Variants in SPHK2 observed in about 807,000 individuals in gnomAD.
The protein encoded by SPHK2 is sphingosine kinase 2.
Under a neutral mutation model 32.3 loss-of-function variants are expected in SPHK2, and 18 were observed. That is an observed-to-expected ratio of 0.56 (90% CI 0.39 to 0.83). The LOEUF is 0.83. Among genes scored for constraint, SPHK2 ranks in the 40% least tolerant of loss-of-function variants. SPHK2 has a pLI of 0.00. For synonymous variants in SPHK2, 462 were observed against 417.6 expected (o/e 1.11, Z -1.30); for missense variants, 850 against 908.7 (o/e 0.94, Z 0.83).
rs2030462419 is a variant in SPHK2 at position 48,630,019 on chromosome 19, T to G, written c.*246T>G. 2 of 1,354,878 alleles carry G rather than the reference T, an allele frequency of 1.5e-6. No individual in the cohort carries two copies. Among genetic ancestry groups the G allele is most frequent in the Non-Finnish European group, 1.9e-6 (2 of 1,056,316 alleles). The allele number at this position is 1,354,878 out of a possible 1,614,324, so 83.9% of individuals were successfully genotyped here. A position where few individuals can be genotyped will look rare whatever the true frequency, so the allele number is the denominator to read the frequency against. ...TGAGGGCGGGGCCTGGCGTCTGATC[T>G]GGGGCCGCCCTTACGGGGCAGGGCT... is the stretch of plus-strand genomic sequence containing the variant. On this transcript the variant is annotated 3_prime_UTR_variant, in exon 7 of 7. Coordinates refer to ENST00000245222, the MANE Select transcript of SPHK2 (RefSeq NM_020126.5). The surrounding 1 kb of genome is among the most constrained non-coding windows in gnomAD (Gnocchi z 4.9).
intron 2 of SPHK2, chr19:48,625,306 CTGTT>C: frequency 1.8e-6 from 2 of 1,114,832 alleles, no homozygotes; most frequent in Non-Finnish European, 2.2e-6. Context: ...CTCATTGACC[CTGTT>C]TGTCTCCTCT....
Position 48,630,207 on chromosome 19 carries a change from C to A in SPHK2, c.*434C>A. 8.0e-7 allele frequency: 1 copy of A among 1,256,862 alleles called. No individual in the cohort carries two copies. Among genetic ancestry groups the A allele is most frequent in the South Asian group, 3.1e-5 (1 of 32,632 alleles). 77.9% of individuals were successfully genotyped at this position (1,256,862 alleles called of 1,614,324 possible). ...AGCCTCGCCCCATCCACTCCGGTGC[C>A]TCCATTTAGCTGGCCAATCAGCCCA... On this transcript the variant is annotated 3_prime_UTR_variant, in exon 7 of 7. Transcript: ENST00000245222. This position sits in a 1 kb window ranked among gnomAD's most constrained non-coding sequence, Gnocchi z 4.9.
At chr19:48,622,231 C>A (rs2147671035) in intron 2 of SPHK2, among the ~76,000 whole-genome samples, 1 of 148,762 alleles carries the variant, frequency 6.7e-6, no homozygotes, top group South Asian at 2.1e-4. Context: ...TGCACTCCAG[C>A]CTGGGCGACA....
Position 48,629,519 on chromosome 19 carries a change from G to A in SPHK2, c.1711G>A (p.Val571Met). 1 of 1,606,164 alleles carries A rather than the reference G, an allele frequency of 6.2e-7. No individual in the cohort carries two copies. Among genetic ancestry groups the A allele is most frequent in the Non-Finnish European group, 8.5e-7 (1 of 1,177,774 alleles). Residue 571 changes from valine (V) to methionine (M), a missense_variant, in exon 7 of 7, where the codon GTG becomes ATG. Transcript: ENST00000245222. The part of the protein sequence containing the change: ...FDDGLVHLCW[V>M]RSGISRAALL... Reference sequence around the variant, plus strand: ...CGACGGCCTGGTGCACCTGTGCTGGGTGCGTAGCGGCATCTCGCGGGCTGC... The same window carrying A: ...CGACGGCCTGGTGCACCTGTGCTGGATGCGTAGCGGCATCTCGCGGGCTGC...
rs1470936612 is a variant in SPHK2 at position 48,629,731 on chromosome 19, A to G, written c.1923A>G (p.Thr641=). ...LQAQMHPGIG[T]LLTGPPGCPG... ...CACAGATGCACCCTGGCATCGGTACACTGCTCACTGGGCCTCCTGGCTGCC... is the reference window on the plus strand; with the variant it reads ...CACAGATGCACCCTGGCATCGGTACGCTGCTCACTGGGCCTCCTGGCTGCC... Residue 641 remains threonine (T), a synonymous_variant, in exon 7 of 7, where the codon ACA becomes ACG. Transcript: ENST00000245222. 9 of 1,599,560 alleles carry G rather than the reference A, an allele frequency of 5.6e-6. No individual in the cohort carries two copies. In the Admixed American group the frequency reaches 1.2e-4, roughly 21 times the overall value.
In SPHK2 at chr19:48,628,670, C is replaced by T. The variant is rs200011232; in HGVS notation, c.873-11C>T. The T allele has an allele frequency of 3.3e-5, 53 of 1,607,448 alleles. 1 individual carries two copies. The African/African-American group carries it at 3.7e-4, about 11-fold the overall frequency. ...TTCCTTCTGTGTGTCCGTCCATCTC[C>T]GGCTGTGAAGATTTGAGCCAGCCCT... On this transcript the variant is annotated splice_polypyrimidine_tract_variant and intron_variant, in intron 6 of 6. Transcript: ENST00000245222. This position sits in a 1 kb window ranked among gnomAD's most constrained non-coding sequence, Gnocchi z 5.2.
Position 48,630,354 on chromosome 19 carries a change from A to C in SPHK2, c.*581A>C. 7.6e-7 allele frequency: 1 copy of C among 1,310,932 alleles called. No homozygotes were observed. The allele number at this position is 1,310,932 out of a possible 1,614,324, so 81.2% of individuals were successfully genotyped here. A position where few individuals can be genotyped will look rare whatever the true frequency, so the allele number is the denominator to read the frequency against. On this transcript the variant is annotated 3_prime_UTR_variant, in exon 7 of 7. Coordinates refer to ENST00000245222, the MANE Select transcript of SPHK2 (RefSeq NM_020126.5). The surrounding 1 kb of genome is among the most constrained non-coding windows in gnomAD (Gnocchi z 4.9). ...ATGCGCGTCCTCCGTCCCCAATCTA[A>C]AAAGCAATTGAAAAGGTCTATGCAA...
chr19:48,625,129 GT>G lies in SPHK2; in HGVS notation c.40-761del. The G allele has an allele frequency of 1.0e-5, 10 of 996,362 alleles. No individual in the cohort carries two copies. In the South Asian group the frequency reaches 1.7e-4, roughly 17 times the overall value. 61.7% of individuals were successfully genotyped at this position (996,362 alleles called of 1,614,324 possible). A position where few individuals can be genotyped will look rare whatever the true frequency, so the allele number is the denominator to read the frequency against. On this transcript the variant is annotated intron_variant, in intron 2 of 6. Transcript: ENST00000245222. The stretch of plus-strand genomic sequence containing the variant: ...CCCTGCCCCTTGCAGGCGCTCGCAT[GT>G]GGCTCCTCTCGGACCCCGTAGTCCC...
In SPHK2 at chr19:48,628,931, C is replaced by T. The variant is rs767158936; in HGVS notation, c.1123C>T (p.Arg375Cys). 32 of 1,613,242 alleles carry T rather than the reference C, an allele frequency of 2.0e-5. No individual in the cohort carries two copies. The highest frequency in any genetic ancestry group is 1.6e-4 in the Middle Eastern group (1 of 6,084). The change falls in exon 7 of 7, where the codon CGC (arginine) becomes TGC (cysteine). Residue 375 changes from arginine to cysteine, a missense_variant. Physicochemically the swap from Arg to Cys is radical, Grantham distance 180. Transcript: ENST00000245222. The surrounding 1 kb of genome is among the most constrained non-coding windows in gnomAD (Gnocchi z 5.2). ...GLATLHTYRGRLSYLPATVEP... is the reference protein window; with the variant it reads ...GLATLHTYRGCLSYLPATVEP... ...CGCCACACTGCACACCTACCGCGGACGCCTCTCCTACCTCCCCGCCACTGT... is the reference window on the plus strand; with the variant it reads ...CGCCACACTGCACACCTACCGCGGATGCCTCTCCTACCTCCCCGCCACTGT...
intron 3 of SPHK2, 163 bp downstream of exon 3, chr19:48,626,525 G>A: frequency 2.1e-6 from 2 of 941,278 alleles, no homozygotes; most frequent in Non-Finnish European, 3.0e-6. Flanking sequence ...GGAACAAAAA[G>A]ACAAGAGGAC....
rs1332547161 is a variant in SPHK2 at position 48,626,119 on chromosome 19, G to A, written c.268G>A (p.Gly90Ser). 5 of 1,608,900 alleles carry A rather than the reference G, an allele frequency of 3.1e-6. No individual in the cohort carries two copies. The highest frequency in any genetic ancestry group is 4.2e-6 in the Non-Finnish European group (5 of 1,177,556). The change falls in exon 3 of 7, where the codon GGC (glycine) becomes AGC (serine). Residue 90 changes from glycine to serine, a missense_variant. Coordinates refer to ENST00000245222, the MANE Select transcript of SPHK2 (RefSeq NM_020126.5). ...CAAACCTGAAGCCAGGCCCCGGGGT[G>A]GCCTGGTCCCGTTGGCCGAGGTCTC... ...RPKPEARPRG[G>S]LVPLAEVSGC...
At chr19:48,620,618 TAAAAA>T in intron 2 of SPHK2, 65 bp downstream of exon 2, 5 of 1,026,104 alleles carry the variant, frequency 4.9e-6, no homozygotes, top group South Asian at 1.6e-5. Context: ...AGCTTTTCTT[TAAAAA>T]AAAAAAAAAA....
chr19:48,619,636 G>A (rs965272575), intron 1 of SPHK2, 93 bp downstream of exon 1: 3 of 180,088 alleles, frequency 1.7e-5, no homozygotes, highest in Non-Finnish European at 3.6e-5. Context: ...ACCGCTCCCT[G>A]ATCTCGCGCT....
chr19:48,629,200 G>T lies in SPHK2; in HGVS notation c.1392G>T (p.Pro464=), dbSNP rs760940683. The T allele has an allele frequency of 9.3e-6, 15 of 1,613,344 alleles. No homozygotes were observed. Among genetic ancestry groups the T allele is most frequent in the Admixed American group, 1.7e-5 (1 of 60,004 alleles). ...AGDWGGAGDA[P]LSPDPLLSSP... ...ACTGGGGTGGGGCTGGGGATGCTCC[G>T]CTGTCCCCGGACCCACTGCTGTCTT... Residue 464 remains proline, a synonymous_variant, in exon 7 of 7, where the codon CCG becomes CCT. Transcript: ENST00000245222.
chr19:48,624,379 A>T (rs1323112117), intron 2 of SPHK2: 1 of 152,268 alleles, frequency 6.6e-6, no homozygotes, highest in Non-Finnish European at 1.5e-5. Flanking sequence ...CCTAGGTCTG[A>T]TGGGGGCTGT....
At position 48,630,361 on chromosome 19, in the gene SPHK2, A is replaced by C; in HGVS notation, c.*588A>C. Reference sequence around the variant, plus strand: ...TCCTCCGTCCCCAATCTAAAAAGCAATTGAAAAGGTCTATGCAATAAAGGC... The same window carrying C: ...TCCTCCGTCCCCAATCTAAAAAGCACTTGAAAAGGTCTATGCAATAAAGGC... On this transcript the variant is annotated 3_prime_UTR_variant, in exon 7 of 7. Coordinates refer to ENST00000245222, the MANE Select transcript of SPHK2 (RefSeq NM_020126.5). This position sits in a 1 kb window ranked among gnomAD's most constrained non-coding sequence, Gnocchi z 4.9. 1 of 1,312,810 alleles carries C rather than the reference A, an allele frequency of 7.6e-7. No homozygotes were observed. The highest frequency in any genetic ancestry group is 9.7e-7 in the Non-Finnish European group (1 of 1,031,184). The allele number at this position is 1,312,810 out of a possible 1,614,324, so 81.3% of individuals were successfully genotyped here.
rs1260382422 is a variant in SPHK2 at position 48,627,977 on chromosome 19, C to T, written c.664C>T (p.Arg222Ter). The change falls in exon 5 of 7, where the codon CGA (arginine) becomes TGA (stop). Residue 222 changes from arginine to a stop codon, truncating the protein, a stop_gained and splice_region_variant. Transcript: ENST00000245222. LOFTEE classifies it high-confidence loss of function. The part of the protein sequence containing the change: ...GLSFNLIQTE[R>*]QNHARELVQG... ...AACAGCCCGGTATCCCACTTCAGAACGACAGAACCACGCCCGGGAGCTGGT... is the reference window on the plus strand; with the variant it reads ...AACAGCCCGGTATCCCACTTCAGAATGACAGAACCACGCCCGGGAGCTGGT... 3 of 1,581,450 alleles carry T rather than the reference C, an allele frequency of 1.9e-6. No homozygotes were observed. Among genetic ancestry groups the T allele is most frequent in the Non-Finnish European group, 1.7e-6 (2 of 1,161,272 alleles).
intron 3 of SPHK2, chr19:48,626,612 C>T (rs1418314542): frequency 1.8e-5 from 8 of 432,742 alleles, no homozygotes; most frequent in Middle Eastern, 6.0e-4. Context: ...GTCAGGAGTT[C>T]GAGACCAGCC....
chr19:48,628,674 T>G lies in SPHK2; in HGVS notation c.873-7T>G. The G allele has an allele frequency of 6.2e-7, 1 of 1,608,478 alleles. No homozygotes were observed. The highest frequency in any genetic ancestry group is 8.5e-7 in the Non-Finnish European group (1 of 1,178,638). ...TTCTGTGTGTCCGTCCATCTCCGGC[T>G]GTGAAGATTTGAGCCAGCCCTGGGC... On this transcript the variant is annotated splice_polypyrimidine_tract_variant and splice_region_variant and intron_variant, in intron 6 of 6. Coordinates refer to ENST00000245222, the MANE Select transcript of SPHK2 (RefSeq NM_020126.5). This position sits in a 1 kb window ranked among gnomAD's most constrained non-coding sequence, Gnocchi z 5.2.
Sources: allele counts gnomAD v4.1 joint callset (sites outside exome capture counted in the v4.1 genomes callset), GRCh38; gene constraint gnomAD v4.1.1; non-coding constraint Gnocchi (gnomAD v3.1); transcripts MANE v1.5; gene names NCBI Gene and HGNC (gene_info 2026-07-23, HGNC 2026-07-21).